Variants in PRKN observed in about 807,000 individuals in gnomAD.
PRKN encodes the protein E3 ubiquitin-protein ligase parkin.
In PRKN, 56 loss-of-function variants were observed where a neutral mutation model predicts 59.5. The observed-to-expected ratio is 0.94, with a 90% confidence interval of 0.76 to 1.18. The LOEUF is 1.18. Ranked by LOEUF, PRKN falls within the 50% of genes most tolerant of loss-of-function variation. The pLI is 0.00. For missense variants in PRKN, 657 were observed against 596.4 expected (o/e 1.10, Z -1.06); for synonymous variants, 250 against 222.1 (o/e 1.13, Z -1.12).
chr6:162,531,721 A>G (rs138869387), intron 1 of PRKN, among the ~76,000 whole-genome samples: 1 of 152,120 alleles, frequency 6.6e-6, no homozygotes, highest in African/African-American at 2.4e-5. Context: ...CCTAAACCGT[A>G]ATTTCTAATC....
At chr6:162,604,697 C>CCT (rs1554252615) in intron 1 of PRKN, among the ~76,000 whole-genome samples, 1 of 135,232 alleles carries the variant, frequency 7.4e-6, no homozygotes, top group Non-Finnish European at 1.6e-5. Context: ...TTTCTCTCTC[C>CCT]TTTTTTTTTT....
chr6:162,140,077 T>G (rs1781712832), intron 4 of PRKN, among the ~76,000 whole-genome samples: 1 of 152,190 alleles, frequency 6.6e-6, no homozygotes, highest in African/African-American at 2.4e-5. Context: ...CACTAAATAG[T>G]TCTGTGAAAA....
intron 7 of PRKN, among the ~76,000 whole-genome samples, chr6:161,589,720 T>C (rs1781646824): frequency 6.6e-6 from 1 of 152,020 alleles, no homozygotes; most frequent in South Asian, 2.1e-4. Context: ...TCTTTACCTG[T>C]GCACATGTTT....
intron 1 of PRKN, among the ~76,000 whole-genome samples, chr6:162,628,671 T>C (rs1232500720): frequency 6.6e-6 from 1 of 151,998 alleles, no homozygotes; most frequent in Non-Finnish European, 1.5e-5. Flanking sequence ...AGAAAAAAAA[T>C]ATTCAGAGTG....
At chr6:161,969,591 C>G (rs561065609) in intron 6 of PRKN, among the ~76,000 whole-genome samples, 10 of 152,260 alleles carry the variant, frequency 6.6e-5, no homozygotes, top group East Asian at 5.8e-4. Context: ...CTCACCCCAT[C>G]ATGGCTGGAA....
rs1782471238 is a variant in PRKN at position 161,611,051 on chromosome 6, C to T, written c.872-41635G>A. ...TGAAACAGGAGCTTGAAGCCTTGTT[C>T]TCACGTCTAAAGCCATCCAAATATA... On this transcript the variant is annotated intron_variant, in intron 7 of 11. Coordinates refer to ENST00000366898, the MANE Select transcript of PRKN (RefSeq NM_004562.3). 2.6e-5 allele frequency among the ~76,000 whole-genome samples: 4 copies of T among 152,140 alleles called. No homozygotes were observed. In the South Asian group the frequency reaches 8.3e-4, roughly 32 times the overall value.
At chr6:161,902,974 C>T (rs1249155304) in intron 6 of PRKN, among the ~76,000 whole-genome samples, 2 of 152,154 alleles carry the variant, frequency 1.3e-5, no homozygotes, top group East Asian at 1.9e-4. Context: ...ATGGGCAAGA[C>T]GGTGCACTGT....
At chr6:162,478,359 T>C (rs1792127982) in intron 1 of PRKN, among the ~76,000 whole-genome samples, 1 of 152,112 alleles carries the variant, frequency 6.6e-6, no homozygotes, top group Non-Finnish European at 1.5e-5. Context: ...GCTTAAACAC[T>C]AGGGAGAACA....
At chr6:162,272,531 C>T (rs1379811947) in intron 2 of PRKN, among the ~76,000 whole-genome samples, 2 of 152,070 alleles carry the variant, frequency 1.3e-5, no homozygotes, top group Non-Finnish European at 2.9e-5. Context: ...CTTGATGAAG[C>T]TGACCCGGAA....
intron 1 of PRKN, among the ~76,000 whole-genome samples, chr6:162,448,606 G>T (rs1790434338): frequency 6.6e-6 from 1 of 152,046 alleles, no homozygotes; most frequent in Non-Finnish European, 1.5e-5. Flanking sequence ...CTACAAAAGA[G>T]GACATACTTT....
intron 4 of PRKN, among the ~76,000 whole-genome samples, chr6:162,061,659 C>T (rs185796725): frequency 2.2e-4 from 33 of 152,152 alleles, no homozygotes; most frequent in Non-Finnish European, 1.5e-4. Context: ...AAGCACAGTG[C>T]CGTGGTTAGA....
intron 1 of PRKN, among the ~76,000 whole-genome samples, chr6:162,613,693 T>C (rs902365822): frequency 2.6e-5 from 4 of 152,048 alleles, no homozygotes; most frequent in African/African-American, 7.2e-5. Flanking sequence ...AATGAAAAAA[T>C]ATACACAAAT....
chr6:161,757,430 C>T (rs777366555), intron 7 of PRKN, among the ~76,000 whole-genome samples: 3 of 152,082 alleles, frequency 2.0e-5, no homozygotes, highest in Non-Finnish European at 4.4e-5. Flanking sequence ...CCACTGCACT[C>T]CAGCCTGAAC....
rs537860169 is a variant in PRKN, at chr6:162,628,754, A to G, written c.7+98908T>C. 2.2e-3 allele frequency among the ~76,000 whole-genome samples: 341 copies of G among 152,284 alleles called. 4 individuals carry two copies. The highest frequency in any genetic ancestry group is 2.7e-3 in the Non-Finnish European group (181 of 67,988). ...ATTATTTTCAAGCACTAGCTCAACC[A>G]TAAGTGTATTCTTATATATAAGGTC... On this transcript the variant is annotated intron_variant, in intron 1 of 11. Coordinates refer to ENST00000366898, the MANE Select transcript of PRKN (RefSeq NM_004562.3).
intron 1 of PRKN, among the ~76,000 whole-genome samples, chr6:162,647,949 CAAAAAA>C (rs398003250): frequency 0.19 from 13,913 of 74,074 alleles, 584 homozygotes; most frequent in East Asian, 0.38. Flanking sequence ...GTCCACAGTG[CAAAAAA>C]AAAAAAAAAA....
chr6:161,810,719 A>T (rs1791524281), intron 6 of PRKN, among the ~76,000 whole-genome samples: 1 of 152,234 alleles, frequency 6.6e-6, no homozygotes, highest in Non-Finnish European at 1.5e-5. Flanking sequence ...TTCTTATTAG[A>T]CAAGTAATTA....
chr6:162,373,971 T>C (rs1785904563), intron 2 of PRKN, among the ~76,000 whole-genome samples: 1 of 152,164 alleles, frequency 6.6e-6, no homozygotes, highest in Non-Finnish European at 1.5e-5. Flanking sequence ...TTGGTGTCTA[T>C]TTGAACTGCT....
At chr6:161,675,723 T>A (rs1785062373) in intron 7 of PRKN, among the ~76,000 whole-genome samples, 1 of 152,210 alleles carries the variant, frequency 6.6e-6, no homozygotes, top group African/African-American at 2.4e-5. Flanking sequence ...TTTCTTCCTT[T>A]ACATCATGAC....
chr6:162,710,677 G>A (rs1462648321), intron 1 of PRKN, among the ~76,000 whole-genome samples: 1 of 152,144 alleles, frequency 6.6e-6, no homozygotes, highest in African/African-American at 2.4e-5. Context: ...TGAAGTGTCA[G>A]AAGGGCTTTT....
Sources: gnomAD v4.1 joint callset for allele counts (sites outside exome capture counted in the v4.1 genomes callset) on GRCh38, gnomAD v4.1.1 for gene constraint, MANE v1.5 for transcripts, NCBI Gene and HGNC (gene_info 2026-07-23, HGNC 2026-07-21) for gene names.